The following GPC5 variants were observed in gnomAD, a reference collection of about 807,000 sequenced individuals.
The protein encoded by GPC5 is glypican-5.
Under a neutral mutation model 53.9 loss-of-function variants are expected in GPC5, and 47 were observed. The ratio of observed to expected loss-of-function variants is 0.87; its 90% CI spans 0.69 to 1.11. The LOEUF (loss-of-function observed/expected upper bound fraction) is 1.11, where lower values mean the gene tolerates loss of function less well. Among genes scored for constraint, GPC5 ranks in the 50% most tolerant of loss-of-function variants. The pLI is 0.00. For missense variants in GPC5, 748 were observed against 713.1 expected, an observed-to-expected ratio of 1.05 and a Z score of -0.56; for synonymous variants, 286 against 263.3, an observed-to-expected ratio of 1.09 and a Z score of -0.84.
chr13:91,615,535 C>G (rs1448552320), intron 2 of GPC5, among the ~76,000 whole-genome samples: 1 of 152,152 alleles, frequency 6.6e-6, no homozygotes, highest in African/African-American at 2.4e-5. Flanking sequence ...GAAGAACTAA[C>G]AGAAGTTTCT....
intron 7 of GPC5, among the ~76,000 whole-genome samples, chr13:92,584,484 A>G (rs1227963644): frequency 6.6e-6 from 1 of 152,190 alleles, no homozygotes; most frequent in Non-Finnish European, 1.5e-5. Flanking sequence ...AGCATTCAAG[A>G]GGTGACTTGG....
chr13:92,860,130 C>A (rs988603154), intron 7 of GPC5, among the ~76,000 whole-genome samples: 1 of 152,130 alleles, frequency 6.6e-6, no homozygotes, highest in African/African-American at 2.4e-5. Flanking sequence ...TACTTCATTT[C>A]ATTCATTGTT....
Position 92,855,201 on chromosome 13 carries a change from G to A in GPC5, c.1562-11081G>A, listed in dbSNP as rs182230597. 1.0e-3 allele frequency among the ~76,000 whole-genome samples: 154 copies of A among 151,908 alleles called. 2 individuals are homozygous for A. The Middle Eastern group carries it at 0.024, about 23-fold the overall frequency. ...TTAATGACTAGTATATATAGCACCA[G>A]GCTTCTTTGTTTGTTCATTTGTTTC... is the stretch of plus-strand genomic sequence containing the variant. On this transcript the variant is annotated intron_variant, in intron 7 of 7. Transcript: ENST00000377067.
intron 6 of GPC5, among the ~76,000 whole-genome samples, chr13:91,915,765 C>T (rs1411773339): frequency 6.6e-6 from 1 of 151,890 alleles, no homozygotes; most frequent in African/African-American, 2.4e-5. Context: ...CAACCAGCTC[C>T]CACTAATTCA....
intron 6 of GPC5, among the ~76,000 whole-genome samples, chr13:91,915,391 G>A (rs1176120199): frequency 6.6e-6 from 1 of 152,018 alleles, no homozygotes; most frequent in African/African-American, 2.4e-5. Context: ...TTCAATCAGT[G>A]TACAATCAAC....
intron 7 of GPC5, among the ~76,000 whole-genome samples, chr13:92,650,955 C>T (rs553803428): frequency 1.4e-4 from 22 of 152,048 alleles, no homozygotes; most frequent in South Asian, 4.2e-4. Context: ...CCTGTGTCCA[C>T]GTGTTCTTAT....
At chr13:91,813,606 A>G (rs2038349254) in intron 5 of GPC5, among the ~76,000 whole-genome samples, 1 of 152,166 alleles carries the variant, frequency 6.6e-6, no homozygotes, top group South Asian at 2.1e-4. Context: ...CATGGTTTTC[A>G]AATCAGGAGT....
intron 1 of GPC5, among the ~76,000 whole-genome samples, chr13:91,402,639 A>G (rs1877035654): frequency 6.6e-6 from 1 of 152,252 alleles, no homozygotes; most frequent in Admixed American, 6.5e-5. Flanking sequence ...ATAAAATGAA[A>G]TAATGTAAAA....
In GPC5 at chr13:92,386,682, G is replaced by A. The variant is rs552750472; in HGVS notation, c.1561+241693G>A. 3.0e-4 allele frequency among the ~76,000 whole-genome samples: 45 copies of A among 152,132 alleles called. 1 individual carries two copies. The highest frequency in any genetic ancestry group is 8.4e-4 in the African/African-American group (35 of 41,534). ...TACTTGCTGCATATTGTGGTAACAA[G>A]CAGTCATTCCCAAAAATGAACATGA... On this transcript the variant is annotated intron_variant, in intron 7 of 7. Transcript: ENST00000377067.
intron 7 of GPC5, among the ~76,000 whole-genome samples, chr13:92,357,119 G>A (rs2043528951): frequency 6.6e-6 from 1 of 151,738 alleles, no homozygotes; most frequent in African/African-American, 2.4e-5. Context: ...ATGTATCATT[G>A]ATGGGCATTT....
At chr13:91,409,344 A>G (rs893176233) in intron 1 of GPC5, among the ~76,000 whole-genome samples, 1 of 152,224 alleles carries the variant, frequency 6.6e-6, no homozygotes, top group African/African-American at 2.4e-5. Context: ...AAACTAAAAA[A>G]GCTGAGAAAT....
chr13:92,492,231 A>C (rs975701138), intron 7 of GPC5, among the ~76,000 whole-genome samples: 1 of 152,120 alleles, frequency 6.6e-6, no homozygotes, highest in Non-Finnish European at 1.5e-5. Context: ...TTTTAATTTA[A>C]AAAATTAAGA....
At chr13:91,957,062 G>C (rs2040079918) in intron 6 of GPC5, among the ~76,000 whole-genome samples, 1 of 151,886 alleles carries the variant, frequency 6.6e-6, no homozygotes, top group Admixed American at 6.6e-5. Flanking sequence ...AACAGAGAAA[G>C]ACATTACAAA....
chr13:91,820,734 C>A (rs549481216), intron 5 of GPC5, among the ~76,000 whole-genome samples: 1 of 152,082 alleles, frequency 6.6e-6, no homozygotes, highest in African/African-American at 2.4e-5. Flanking sequence ...GAGGCCGAGG[C>A]GGGAGGATCA....
chr13:91,993,611 T>TGCA (rs1343186956), intron 6 of GPC5, among the ~76,000 whole-genome samples: 3 of 152,214 alleles, frequency 2.0e-5, no homozygotes, highest in African/African-American at 7.2e-5. Context: ...TCTGTGTGTG[T>TGCA]GCACGCACTC....
At chr13:92,603,597 A>T (rs1162207024) in intron 7 of GPC5, among the ~76,000 whole-genome samples, 1 of 152,204 alleles carries the variant, frequency 6.6e-6, no homozygotes, top group Non-Finnish European at 1.5e-5. Flanking sequence ...CAGGAATATT[A>T]TGGGCTGGAT....
intron 7 of GPC5, among the ~76,000 whole-genome samples, chr13:92,422,605 A>T (rs984076719): frequency 6.6e-6 from 1 of 151,800 alleles, no homozygotes; most frequent in African/African-American, 2.4e-5. Flanking sequence ...ATGCTGTCTT[A>T]GTTCTCCCCA....
chr13:92,550,311 C>T (rs973550782), intron 7 of GPC5, among the ~76,000 whole-genome samples: 7 of 151,800 alleles, frequency 4.6e-5, no homozygotes, highest in Non-Finnish European at 8.8e-5. Flanking sequence ...TTAAATTACT[C>T]CATGGGATTG....
intron 5 of GPC5, among the ~76,000 whole-genome samples, chr13:91,880,033 C>T (rs2039247330): frequency 6.6e-6 from 1 of 152,000 alleles, no homozygotes; most frequent in African/African-American, 2.4e-5. Flanking sequence ...TAACTTTATA[C>T]ATATTTCATA....
Sources: gnomAD v4.1 joint callset for allele counts (sites outside exome capture counted in the v4.1 genomes callset) on GRCh38, gnomAD v4.1.1 for gene constraint, MANE v1.5 for transcripts, NCBI Gene and HGNC (gene_info 2026-07-23, HGNC 2026-07-21) for gene names.